The following GNAQ variants were observed in gnomAD, a reference collection of about 807,000 sequenced individuals.
GNAQ encodes G protein subunit alpha q.
GNAQ carries 8 observed loss-of-function variants against 43.9 expected under a neutral mutation model. The observed-to-expected ratio is 0.18, with a 90% CI of 0.11 to 0.33. GNAQ has a LOEUF of 0.33. Among genes scored for constraint, GNAQ ranks in the 10% least tolerant of loss-of-function variants. The probability of loss-of-function intolerance (pLI) is 1.00; values close to 1 mark genes in which losing one functional copy is unlikely to be tolerated. For missense variants in GNAQ, 158 were observed against 450.8 expected (o/e 0.35, Z 5.88); for synonymous variants, 155 against 170.7 (o/e 0.91, Z 0.71).
At chr9:77,979,563 C>A (rs73459749) in intron 1 of GNAQ, among the ~76,000 whole-genome samples, 1 of 151,874 alleles carries the variant, frequency 6.6e-6, no homozygotes, top group Non-Finnish European at 1.5e-5. Flanking sequence ...GAACAGTTAA[C>A]GAGCTAAACA....
chr9:77,896,466 C>G (rs533840001), intron 2 of GNAQ, among the ~76,000 whole-genome samples: 1 of 152,298 alleles, frequency 6.6e-6, no homozygotes, highest in South Asian at 2.1e-4. Context: ...TGTCCTAAAG[C>G]TGTCACTCAT....
At chr9:77,847,503 C>CAA (rs1424272920) in intron 2 of GNAQ, among the ~76,000 whole-genome samples, 1 of 151,880 alleles carries the variant, frequency 6.6e-6, no homozygotes, top group African/African-American at 2.4e-5. Flanking sequence ...CAGCAGATAT[C>CAA]AAAAAGGAAG....
intron 1 of GNAQ, among the ~76,000 whole-genome samples, chr9:77,942,843 T>C (rs908644258): frequency 1.3e-5 from 2 of 152,240 alleles, no homozygotes; most frequent in African/African-American, 4.8e-5. Flanking sequence ...TATATTATCT[T>C]TTTGTCTGTA....
chr9:77,912,063 T>C (rs190551694), intron 2 of GNAQ, among the ~76,000 whole-genome samples: 13 of 152,310 alleles, frequency 8.5e-5, no homozygotes, highest in Admixed American at 8.5e-4. Context: ...TGCTCTTCTT[T>C]AAAAGTACAC....
chr9:77,902,852 C>T (rs1164791257), intron 2 of GNAQ, among the ~76,000 whole-genome samples: 1 of 152,212 alleles, frequency 6.6e-6, no homozygotes, highest in Non-Finnish European at 1.5e-5. Flanking sequence ...GCTATGGTAA[C>T]TGAGTTAGCC....
At chr9:77,723,978 G>T (rs1278312646) in intron 6 of GNAQ, among the ~76,000 whole-genome samples, 3 of 152,040 alleles carry the variant, frequency 2.0e-5, no homozygotes, top group Non-Finnish European at 4.4e-5. Context: ...TTAAATAAGT[G>T]AATTACATGG....
intron 5 of GNAQ, among the ~76,000 whole-genome samples, chr9:77,773,583 G>A (rs1243285115): frequency 6.6e-6 from 1 of 152,194 alleles, no homozygotes; most frequent in Non-Finnish European, 1.5e-5. Context: ...TTTCCCTGTT[G>A]TCTCTTCAGG....
intron 2 of GNAQ, among the ~76,000 whole-genome samples, chr9:77,886,226 C>CA (rs1828303368): frequency 6.6e-6 from 1 of 152,192 alleles, no homozygotes. Context: ...CTCAGCCTCC[C>CA]AAAGTTCTGG....
chr9:77,951,497 G>A (rs1038844957), intron 1 of GNAQ, among the ~76,000 whole-genome samples: 11 of 152,178 alleles, frequency 7.2e-5, no homozygotes, highest in African/African-American at 2.4e-4. Flanking sequence ...AAGCTTTATA[G>A]TTTATTTACT....
intron 2 of GNAQ, among the ~76,000 whole-genome samples, chr9:77,853,794 A>AAC (rs1827709566): frequency 1.3e-5 from 2 of 151,066 alleles, no homozygotes; most frequent in South Asian, 2.1e-4. Context: ...AAAAAAAAAA[A>AAC]AAAAAACCCA....
At chr9:77,914,828 CAAA>C (rs71503232) in intron 2 of GNAQ, among the ~76,000 whole-genome samples, 4 of 98,100 alleles carry the variant, frequency 4.1e-5, no homozygotes, top group Admixed American at 1.1e-4. Flanking sequence ...TTTTGAACAC[CAAA>C]AAAAAAAAAA....
At chr9:78,001,286 AG>A (rs1823641026) in intron 1 of GNAQ, among the ~76,000 whole-genome samples, 1 of 152,100 alleles carries the variant, frequency 6.6e-6, no homozygotes, top group African/African-American at 2.4e-5. Context: ...CTGTAATCCC[AG>A]CTACTCAGGA....
chr9:78,023,955 C>CATAT (rs1823944403), intron 1 of GNAQ, among the ~76,000 whole-genome samples: 1 of 152,116 alleles, frequency 6.6e-6, no homozygotes, highest in Non-Finnish European at 1.5e-5. Flanking sequence ...TATATACACA[C>CATAT]ACACACACTA....
chr9:77,876,369 G>A (rs1250336549), intron 2 of GNAQ, among the ~76,000 whole-genome samples: 1 of 152,158 alleles, frequency 6.6e-6, no homozygotes, highest in African/African-American at 2.4e-5. Flanking sequence ...TCCCTGTCTG[G>A]GGGAGTTTAG....
chr9:77,757,613 T>C (rs1032433711), intron 5 of GNAQ, among the ~76,000 whole-genome samples: 8 of 152,108 alleles, frequency 5.3e-5, no homozygotes, highest in African/African-American at 1.7e-4. Context: ...AACATGCTTT[T>C]ACTATTATTA....
intron 5 of GNAQ, among the ~76,000 whole-genome samples, chr9:77,754,789 G>A (rs1161956326): frequency 6.6e-6 from 1 of 152,148 alleles, no homozygotes; most frequent in Non-Finnish European, 1.5e-5. Context: ...ATGTAAATTA[G>A]CACAGCCACT....
intron 1 of GNAQ, among the ~76,000 whole-genome samples, chr9:78,017,742 G>T (rs1438753573): frequency 6.6e-6 from 1 of 152,126 alleles, no homozygotes; most frequent in Admixed American, 6.5e-5. Context: ...ACAGACTGGG[G>T]TTAAGTTTTT....
intron 1 of GNAQ, among the ~76,000 whole-genome samples, chr9:77,991,619 G>A (rs1823508828): frequency 6.6e-6 from 1 of 151,992 alleles, no homozygotes. Context: ...TTTTGGTGAT[G>A]TAGGTAAGTT....
At chr9:77,886,727 C>CA (rs1190599142) in intron 2 of GNAQ, among the ~76,000 whole-genome samples, 3 of 151,846 alleles carry the variant, frequency 2.0e-5, no homozygotes, top group Admixed American at 6.6e-5. Context: ...AACAAATAAA[C>CA]AAAAAAACGC....
Sources: gnomAD v4.1 joint callset for allele counts (sites outside exome capture counted in the v4.1 genomes callset) on GRCh38, gnomAD v4.1.1 for gene constraint, MANE v1.5 for transcripts, NCBI Gene and HGNC (gene_info 2026-07-23, HGNC 2026-07-21) for gene names.